The following DMD variants were observed in gnomAD, a reference collection of about 807,000 sequenced individuals.
DMD encodes the protein dystrophin.
A neutral mutation model predicts 330.1 loss-of-function variants in DMD; 63 were observed. The ratio of observed to expected loss-of-function variants is 0.19; its 90% CI spans 0.16 to 0.24. DMD has a LOEUF of 0.24. Ranked by LOEUF, DMD falls within the 10% of genes least tolerant of loss-of-function variation. The probability of loss-of-function intolerance (pLI) is 1.00; values close to 1 mark genes in which losing one functional copy is unlikely to be tolerated. For synonymous variants in DMD, 1,223 were observed against 959.8 expected (o/e 1.27, Z -5.07); for missense variants, 3,344 against 2,684.1 (o/e 1.25, Z -5.43).
chrX:32,529,354 C>T (rs1037017763), intron 17 of DMD, among the ~76,000 whole-genome samples: 1 of 100,535 alleles, frequency 9.9e-6, no homozygotes, highest in Admixed American at 1.1e-4. Context: ...CACAGGCGCG[C>T]GAATTCCACC....
At chrX:32,689,956 T>C (rs1276576161) in intron 9 of DMD, among the ~76,000 whole-genome samples, 2 of 110,143 alleles carry the variant, frequency 1.8e-5, no homozygotes, top group African/African-American at 6.6e-5. Context: ...TCACAACAAC[T>C]GCGAACTGAA....
At chrX:31,811,697 C>A (rs2092460123) in intron 50 of DMD, among the ~76,000 whole-genome samples, 1 of 111,455 alleles carries the variant, frequency 9.0e-6, no homozygotes, top group Admixed American at 9.5e-5. Flanking sequence ...AACTATAAAA[C>A]CGGCAATAGT....
At chrX:33,114,717 A>G (rs1345707123) in intron 1 of DMD, among the ~76,000 whole-genome samples, 1 of 111,111 alleles carries the variant, frequency 9.0e-6, no homozygotes, top group African/African-American at 3.3e-5. Flanking sequence ...AAACATAAAT[A>G]ATAATATTTT....
chrX:31,287,997 C>A (rs1280782406), intron 62 of DMD, among the ~76,000 whole-genome samples: 1 of 111,280 alleles, frequency 9.0e-6, no homozygotes, highest in Non-Finnish European at 1.9e-5. Context: ...AAAATGATAA[C>A]CAGTGTCAAG....
intron 1 of DMD, among the ~76,000 whole-genome samples, chrX:33,034,342 T>G (rs1207565697): frequency 8.9e-6 from 1 of 111,743 alleles, no homozygotes; most frequent in African/African-American, 3.2e-5. Flanking sequence ...GGGAATGGCT[T>G]TCCTGAATTA....
intron 47 of DMD, among the ~76,000 whole-genome samples, chrX:31,899,496 G>A (rs1452254966): frequency 1.8e-5 from 2 of 110,924 alleles, no homozygotes; most frequent in Admixed American, 1.9e-4. Flanking sequence ...GAACAAATAC[G>A]TGTGAAAATT....
At chrX:31,399,487 A>C (rs1265694179) in intron 60 of DMD, among the ~76,000 whole-genome samples, 2 of 108,325 alleles carry the variant, frequency 1.8e-5, no homozygotes, top group African/African-American at 6.7e-5. Context: ...ACCCTTCAAG[A>C]GGGAAAACAG....
At chrX:31,172,489 T>C (rs2040092183) in intron 72 of DMD, 76 bp from the exon 73 acceptor site, 2 of 756,542 alleles carry the variant, frequency 2.6e-6, no homozygotes, top group Non-Finnish European at 4.1e-6. Flanking sequence ...CGAACATTCC[T>C]GAAAACTAAA....
intron 1 of DMD, among the ~76,000 whole-genome samples, chrX:33,208,145 C>T (rs2051692342): frequency 9.0e-6 from 1 of 111,625 alleles, no homozygotes; most frequent in Non-Finnish European, 1.9e-5. Flanking sequence ...GCACCGCCTC[C>T]ATTAACTGAG....
At chrX:32,557,696 T>G (rs1328631533) in intron 16 of DMD, among the ~76,000 whole-genome samples, 2 of 111,795 alleles carry the variant, frequency 1.8e-5, no homozygotes, top group Non-Finnish European at 3.8e-5. Flanking sequence ...GGTAAAGATT[T>G]GCATCTCTAA....
At chrX:32,730,947 C>T (rs2067527971) in intron 7 of DMD, among the ~76,000 whole-genome samples, 1 of 111,602 alleles carries the variant, frequency 9.0e-6, no homozygotes, top group South Asian at 3.7e-4. Context: ...TCTACAGCTC[C>T]CAGAGTGAGC....
intron 7 of DMD, among the ~76,000 whole-genome samples, chrX:32,761,156 C>CT (rs1440710229): frequency 2.7e-5 from 3 of 111,742 alleles, no homozygotes; most frequent in Admixed American, 9.5e-5. Flanking sequence ...ATGTTGTCTC[C>CT]TTTTTTTGCA....
chrX:32,853,441 A>G (rs1471310158), intron 2 of DMD, among the ~76,000 whole-genome samples: 1 of 111,882 alleles, frequency 8.9e-6, no homozygotes, highest in African/African-American at 3.3e-5. Flanking sequence ...CAAACAACAA[A>G]AAGATTAAAA....
rs34830749 is a variant in DMD, at chrX:33,259,597, G to GCC, written c.7+79660_7+79661dup. Reference sequence around the variant, plus strand: ...AGTGTAATGTAAATATTTCAAAATCGCCCCCCCCCCCCAAAAAAAAAAAGG... The same window carrying GCC: ...AGTGTAATGTAAATATTTCAAAATCGCCCCCCCCCCCCCCAAAAAAAAAAAGG... On this transcript the variant is annotated intron_variant, in intron 1 of 17. Coordinates refer to the DMD transcript ENST00000288447. Among the ~76,000 whole-genome samples the GCC allele has an allele frequency of 4.5e-3, 71 of 15,784 alleles. 5 individuals carry two copies. Among genetic ancestry groups the GCC allele is most frequent in the African/African-American group, 0.01 (39 of 3,778 alleles). 13.7% of individuals were successfully genotyped at this position (15,784 alleles called of 115,157 possible).
In DMD at chrX:31,168,668, T is replaced by C. The variant is rs751596357; in HGVS notation, c.10553+775A>G. ...TCTGAGCAACATCTACTTTAAATCCTTGCTTGGTGGCATCTGTCTGAAGAA... is the reference window on the plus strand; with the variant it reads ...TCTGAGCAACATCTACTTTAAATCCCTGCTTGGTGGCATCTGTCTGAAGAA... On this transcript the variant is annotated intron_variant, in intron 74 of 78. Coordinates refer to ENST00000357033, the MANE Select transcript of DMD (RefSeq NM_004006.3). Among the ~76,000 whole-genome samples, 13 of 112,022 alleles carry C rather than the reference T, an allele frequency of 1.2e-4. No homozygotes were observed. The East Asian group carries it at 3.4e-3, about 29-fold the overall frequency.
intron 62 of DMD, among the ~76,000 whole-genome samples, chrX:31,270,930 T>C (rs142880152): frequency 8.3e-4 from 92 of 111,506 alleles, no homozygotes; most frequent in African/African-American, 3.0e-3. Flanking sequence ...ACTGGATGTA[T>C]GAATGGAAGA....
At chrX:33,081,765 T>C (rs2094933632) in intron 1 of DMD, among the ~76,000 whole-genome samples, 1 of 111,874 alleles carries the variant, frequency 8.9e-6, no homozygotes, top group African/African-American at 3.2e-5. Flanking sequence ...TATCCCTGTA[T>C]AACTACCATT....
chrX:32,601,821 AT>A (rs753339992), intron 12 of DMD, among the ~76,000 whole-genome samples: 38 of 112,286 alleles, frequency 3.4e-4, no homozygotes, highest in African/African-American at 1.1e-3. Flanking sequence ...AGAAGATTGA[AT>A]AAGGTAAAAC....
chrX:32,771,501 A>T (rs966171726), intron 7 of DMD, among the ~76,000 whole-genome samples: 2 of 88,918 alleles, frequency 2.2e-5, no homozygotes, highest in Non-Finnish European at 4.2e-5. Flanking sequence ...CCATTTTGTT[A>T]ATACACACAC....
Sources: gnomAD v4.1 joint callset for allele counts (sites outside exome capture counted in the v4.1 genomes callset) on GRCh38, gnomAD v4.1.1 for gene constraint, MANE v1.5 for transcripts, NCBI Gene and HGNC (gene_info 2026-07-23, HGNC 2026-07-21) for gene names.